AFG2A: variants seen among roughly 807,000 people sequenced by gnomAD.
AFG2A encodes the protein ATPase family gene 2 protein homolog A.
the AFG2A span, among the ~76,000 whole-genome samples, chr4:123,188,831 G>A: frequency 6.6e-6 from 1 of 152,168 alleles, no homozygotes; most frequent in Non-Finnish European, 1.5e-5. Flanking sequence ...TTGGGCCCGA[G>A]AATTCTATAA....
the AFG2A span, among the ~76,000 whole-genome samples, chr4:123,067,743 A>G: frequency 6.6e-6 from 1 of 152,338 alleles, no homozygotes; most frequent in East Asian, 1.9e-4. Flanking sequence ...GAATCAGTAT[A>G]ATAATTACCA....
At chr4:123,292,036 A>T in the AFG2A span, among the ~76,000 whole-genome samples, 9 of 152,094 alleles carry the variant, frequency 5.9e-5, no homozygotes, top group African/African-American at 2.2e-4. Flanking sequence ...ATATAATCTC[A>T]TATTTCTTGG....
the AFG2A span, among the ~76,000 whole-genome samples, chr4:123,123,612 A>G: frequency 5.3e-5 from 8 of 152,094 alleles, no homozygotes; most frequent in African/African-American, 7.2e-5. Context: ...CAAAACCACA[A>G]TGAGATATCA....
At chr4:123,129,255 C>G in the AFG2A span, among the ~76,000 whole-genome samples, 1 of 152,060 alleles carries the variant, frequency 6.6e-6, no homozygotes, top group Non-Finnish European at 1.5e-5. Context: ...TCCCTTAGGC[C>G]ACATGGTAAA....
At chr4:122,984,258 G>A in the AFG2A span, among the ~76,000 whole-genome samples, 1 of 152,096 alleles carries the variant, frequency 6.6e-6, no homozygotes, top group African/African-American at 2.4e-5. Context: ...CTGCTTGGTT[G>A]CTGTTGGTGT....
the AFG2A span, among the ~76,000 whole-genome samples, chr4:123,084,617 T>C: frequency 6.7e-6 from 1 of 150,154 alleles, no homozygotes; most frequent in Non-Finnish European, 1.5e-5. Flanking sequence ...TGTGTGTGTA[T>C]ATATATATAA....
At chr4:123,147,988 C>A in the AFG2A span, among the ~76,000 whole-genome samples, 239 of 152,034 alleles carry the variant, frequency 1.6e-3, 4 homozygotes, top group South Asian at 0.011. Flanking sequence ...GAAGGAAATT[C>A]TATTGGGATA....
the AFG2A span, among the ~76,000 whole-genome samples, chr4:123,147,296 A>G: frequency 1.3e-5 from 2 of 152,016 alleles, no homozygotes; most frequent in Non-Finnish European, 2.9e-5. Flanking sequence ...ATGGGGGTGG[A>G]AGTTTCTCTT....
the AFG2A span, among the ~76,000 whole-genome samples, chr4:123,067,842 A>G: frequency 0.012 from 1,773 of 152,240 alleles, 15 homozygotes; most frequent in Middle Eastern, 0.078. Context: ...TGTTACTGCT[A>G]TTCATCTCTG....
At chr4:122,971,978 T>G in the AFG2A span, among the ~76,000 whole-genome samples, 3 of 152,122 alleles carry the variant, frequency 2.0e-5, no homozygotes, top group African/African-American at 7.2e-5. Context: ...GTAATTTTTT[T>G]TCCTTGTAAT....
chr4:122,980,134 T>A, the AFG2A span, among the ~76,000 whole-genome samples: 1 of 152,260 alleles, frequency 6.6e-6, no homozygotes, highest in Non-Finnish European at 1.5e-5. Context: ...ACCCACCTCA[T>A]TCCTCCCCTC....
At chr4:123,113,180 A>C in the AFG2A span, among the ~76,000 whole-genome samples, 1 of 152,182 alleles carries the variant, frequency 6.6e-6, no homozygotes, top group East Asian at 1.9e-4. Flanking sequence ...AGTTTGACTT[A>C]ATATACACAT....
chr4:123,264,846 T>A, the AFG2A span, among the ~76,000 whole-genome samples: 2 of 152,172 alleles, frequency 1.3e-5, no homozygotes, highest in Non-Finnish European at 2.9e-5. Context: ...TTTCAAGTGT[T>A]AAAAATCTGT....
chr4:123,241,887 G>A, the AFG2A span, among the ~76,000 whole-genome samples: 1 of 152,122 alleles, frequency 6.6e-6, no homozygotes, highest in Non-Finnish European at 1.5e-5. Context: ...AAACCCCATC[G>A]TCTCAGCCCA....
chr4:123,002,003 A>G, the AFG2A span, among the ~76,000 whole-genome samples: 3,268 of 152,264 alleles, frequency 0.021, 63 homozygotes, highest in Non-Finnish European at 0.035. Flanking sequence ...ATGGGTTCAT[A>G]TATATTTAGG....
chr4:122,925,688 T>C, the AFG2A span, among the ~76,000 whole-genome samples: 1 of 152,228 alleles, frequency 6.6e-6, no homozygotes, highest in Non-Finnish European at 1.5e-5. Flanking sequence ...TGAAATTAGG[T>C]CAGATCCCAC....
chr4:123,043,653 TA>T, the AFG2A span, among the ~76,000 whole-genome samples: 1 of 152,212 alleles, frequency 6.6e-6, no homozygotes, highest in Non-Finnish European at 1.5e-5. Flanking sequence ...AGTAATTGAA[TA>T]AAAATGGGTG....
chr4:123,180,225 A>AAACAAC, the AFG2A span, among the ~76,000 whole-genome samples: 1 of 152,124 alleles, frequency 6.6e-6, no homozygotes, highest in Non-Finnish European at 1.5e-5. Context: ...GTCTCAGAAA[A>AAACAAC]AACAACAACA....
the AFG2A span, among the ~76,000 whole-genome samples, chr4:123,261,008 A>G: frequency 6.6e-6 from 1 of 152,292 alleles, no homozygotes; most frequent in South Asian, 2.1e-4. Context: ...CCTATTGTGA[A>G]CTATGCGTGC....
Sources: gnomAD v4.1 joint callset for allele counts (sites outside exome capture counted in the v4.1 genomes callset) on GRCh38, gnomAD v4.1.1 for gene constraint, MANE v1.5 for transcripts, NCBI Gene and HGNC (gene_info 2026-07-23, HGNC 2026-07-21) for gene names.